DNAL1: variants seen among roughly 807,000 people sequenced by gnomAD.
The protein encoded by DNAL1 is dynein axonemal light chain 1.
A neutral mutation model predicts 29.4 loss-of-function variants in DNAL1; 17 were observed. That is an observed-to-expected ratio of 0.58 (90% CI 0.40 to 0.87). The LOEUF is 0.87. DNAL1 is among the 40% of genes least tolerant of loss of function. The pLI, the probability that DNAL1 is intolerant of heterozygous loss-of-function variation, is 0.00. For synonymous variants in DNAL1, 78 were observed against 76.3 expected (o/e 1.02, Z -0.12); for missense variants, 188 against 214.1 (o/e 0.88, Z 0.76).
At chr14:73,683,781 C>T (rs529556596) in intron 5 of DNAL1, among the ~76,000 whole-genome samples, 65 of 152,054 alleles carry the variant, frequency 4.3e-4, no homozygotes, top group Non-Finnish European at 2.2e-4. Context: ...GATCTCAGCT[C>T]ACTGCAACCT....
chr14:73,672,136 C>T (rs1352328230), intron 5 of DNAL1, among the ~76,000 whole-genome samples: 1 of 152,184 alleles, frequency 6.6e-6, no homozygotes, highest in African/African-American at 2.4e-5. Flanking sequence ...AACAGGCTAA[C>T]ATGACCATCC....
chr14:73,663,348 G>A (rs1891398772), intron 4 of DNAL1, among the ~76,000 whole-genome samples: 1 of 151,644 alleles, frequency 6.6e-6, no homozygotes, highest in Admixed American at 6.6e-5. Flanking sequence ...TGGGATTACA[G>A]GTGCCCACCG....
At chr14:73,685,999 T>A (rs1892012004) in intron 5 of DNAL1, among the ~76,000 whole-genome samples, 1 of 152,158 alleles carries the variant, frequency 6.6e-6, no homozygotes, top group Non-Finnish European at 1.5e-5. Flanking sequence ...CATATGATAA[T>A]TAATTTTTTA....
intron 4 of DNAL1, among the ~76,000 whole-genome samples, chr14:73,664,433 T>G (rs1891428568): frequency 6.6e-6 from 1 of 152,188 alleles, no homozygotes; most frequent in African/African-American, 2.4e-5. Flanking sequence ...TGATGTCGCA[T>G]TAAAAGTCAT....
intron 1 of DNAL1, among the ~76,000 whole-genome samples, chr14:73,648,680 G>A (rs138644002): frequency 0.012 from 1,853 of 151,030 alleles, 35 homozygotes; most frequent in African/African-American, 0.042. Context: ...CTCCCAAAAT[G>A]CTGGGATTAC....
chr14:73,672,339 C>G (rs1891632369), intron 5 of DNAL1, among the ~76,000 whole-genome samples: 1 of 152,080 alleles, frequency 6.6e-6, no homozygotes, highest in Non-Finnish European at 1.5e-5. Flanking sequence ...AGAGCAGTGG[C>G]TCACGCCTGT....
intron 1 of DNAL1, among the ~76,000 whole-genome samples, chr14:73,650,746 G>T (rs1024338642): frequency 4.6e-5 from 7 of 152,074 alleles, no homozygotes; most frequent in African/African-American, 7.2e-5. Flanking sequence ...AAAGTCCTGG[G>T]ATTACAGGTG....
In DNAL1 at chr14:73,696,113, C is replaced by T; in HGVS notation, c.*171C>T. 1 of 645,998 alleles carries T rather than the reference C, an allele frequency of 1.5e-6. No individual in the cohort carries two copies. The highest frequency in any genetic ancestry group is 2.5e-6 in the Non-Finnish European group (1 of 399,784). The allele number at this position is 645,998 out of a possible 1,614,324, so 40.0% of individuals were successfully genotyped here. ...CTTTAACTTATTCAGTGTTTCTCCCCAAAACTGGTAATGCCAACCTTATAT... is the reference window on the plus strand; with the variant it reads ...CTTTAACTTATTCAGTGTTTCTCCCTAAAACTGGTAATGCCAACCTTATAT... On this transcript the variant is annotated 3_prime_UTR_variant, in exon 8 of 8. Transcript: ENST00000553645.
chr14:73,650,642 TTTTTA>T (rs1188135704), intron 1 of DNAL1, among the ~76,000 whole-genome samples: 1 of 152,168 alleles, frequency 6.6e-6, no homozygotes, highest in Admixed American at 6.6e-5. Flanking sequence ...TTTTATTTAT[TTTTTA>T]TTTTATTTTT....
chr14:73,688,019 G>GA (rs909834197), intron 6 of DNAL1, among the ~76,000 whole-genome samples: 11 of 149,000 alleles, frequency 7.4e-5, no homozygotes, highest in Non-Finnish European at 1.2e-4. Context: ...GAAAGAACTT[G>GA]AAAAAAAAAA....
intron 1 of DNAL1, among the ~76,000 whole-genome samples, chr14:73,645,487 A>C (rs1209565545): frequency 6.6e-6 from 1 of 152,176 alleles, no homozygotes. Context: ...TGATGTACCC[A>C]GGTTGCCTTC....
rs547070027 is a variant in DNAL1 at position 73,676,823 on chromosome 14, G to A, written c.264+5226G>A. ...GGGATAGATTTATGAAAGTAGAAAA[G>A]CTGAGGATATTTTTGTGCCTTTAAA... On this transcript the variant is annotated intron_variant, in intron 5 of 7. Transcript: ENST00000553645. Among the ~76,000 whole-genome samples, 508 of 152,144 alleles carry A rather than the reference G, an allele frequency of 3.3e-3. 2 individuals carry two copies. Among genetic ancestry groups the A allele is most frequent in the African/African-American group, 0.012 (488 of 41,520 alleles).
chr14:73,690,392 C>G (rs1892141410), intron 7 of DNAL1, among the ~76,000 whole-genome samples: 1 of 152,082 alleles, frequency 6.6e-6, no homozygotes, highest in South Asian at 2.1e-4. Context: ...GTGGCTCATG[C>G]CTGTAATCCT....
chr14:73,656,227 A>C (rs1280316206), intron 2 of DNAL1, among the ~76,000 whole-genome samples: 1 of 152,126 alleles, frequency 6.6e-6, no homozygotes, highest in East Asian at 1.9e-4. Flanking sequence ...CATTTACTTT[A>C]AATGTATTTT....
In DNAL1 at chr14:73,682,550, C is replaced by T. The variant is rs182411595; in HGVS notation, c.265-4709C>T. On this transcript the variant is annotated intron_variant, in intron 5 of 7. Coordinates refer to ENST00000553645, the MANE Select transcript of DNAL1 (RefSeq NM_031427.4). ...TAACTTTTTGACTTTTTTGTAATAA[C>T]AGCTGGAAACACACATTGTATAGTA... 2.7e-3 allele frequency among the ~76,000 whole-genome samples: 412 copies of T among 151,830 alleles called. 7 individuals carry two copies. The highest frequency in any genetic ancestry group is 9.5e-3 in the African/African-American group (395 of 41,494).
intron 5 of DNAL1, among the ~76,000 whole-genome samples, chr14:73,677,033 T>C (rs58646766): frequency 0.27 from 39,971 of 149,606 alleles, 5,841 homozygotes; most frequent in Non-Finnish European, 0.33. Flanking sequence ...TGCAGTGGCG[T>C]GATCTCGGCT....
At chr14:73,670,405 A>C (rs1891591952) in intron 4 of DNAL1, among the ~76,000 whole-genome samples, 1 of 152,232 alleles carries the variant, frequency 6.6e-6, no homozygotes, top group Admixed American at 6.5e-5. Flanking sequence ...TTAGACAAAG[A>C]AGTTATAGAT....
intron 1 of DNAL1, among the ~76,000 whole-genome samples, chr14:73,652,815 G>A (rs962442971): frequency 6.6e-6 from 1 of 151,868 alleles, no homozygotes; most frequent in Non-Finnish European, 1.5e-5. Flanking sequence ...ATTTGAATCT[G>A]TAAGTTTCCT....
intron 5 of DNAL1, among the ~76,000 whole-genome samples, chr14:73,684,312 C>T (rs1421900813): frequency 6.6e-6 from 1 of 152,064 alleles, no homozygotes. Flanking sequence ...TGGCTATATA[C>T]CCTGTAGTGA....
Sources: allele counts gnomAD v4.1 joint callset (sites outside exome capture counted in the v4.1 genomes callset), GRCh38; gene constraint gnomAD v4.1.1; transcripts MANE v1.5; gene names NCBI Gene and HGNC (gene_info 2026-07-23, HGNC 2026-07-21).